The following LSAMP variants were observed in gnomAD, a reference collection of about 807,000 sequenced individuals.
LSAMP encodes the protein limbic system associated membrane protein, also known as limbic system-associated membrane protein.
LSAMP carries 7 observed loss-of-function variants against 38.6 expected under a neutral mutation model. The ratio of observed to expected loss-of-function variants is 0.18; its 90% confidence interval spans 0.10 to 0.34. The LOEUF (loss-of-function observed/expected upper bound fraction) is 0.34, where lower values mean the gene tolerates loss of function less well. Ranked by LOEUF, LSAMP falls within the 10% of genes least tolerant of loss-of-function variation. The probability of loss-of-function intolerance (pLI) is 1.00; values close to 1 mark genes in which losing one functional copy is unlikely to be tolerated. For missense variants in LSAMP, 313 were observed against 420.0 expected (o/e 0.75, Z 2.23); for synonymous variants, 154 against 166.8 (o/e 0.92, Z 0.59).
At chr3:116,226,285 A>G (rs1289921663) in intron 1 of LSAMP, among the ~76,000 whole-genome samples, 1 of 152,212 alleles carries the variant, frequency 6.6e-6, no homozygotes, top group Non-Finnish European at 1.5e-5. Flanking sequence ...TCAGCTTCTG[A>G]AAATAGCTGA....
chr3:116,281,279 T>G (rs2047123282), intron 1 of LSAMP, among the ~76,000 whole-genome samples: 2 of 152,172 alleles, frequency 1.3e-5, no homozygotes, highest in South Asian at 4.1e-4. Context: ...CCTTTGAAAC[T>G]TTTGCCTTCT....
At chr3:115,847,596 G>T (rs935989714) in intron 4 of LSAMP, among the ~76,000 whole-genome samples, 16 of 152,138 alleles carry the variant, frequency 1.1e-4, no homozygotes, top group Admixed American at 2.0e-4. Flanking sequence ...ATTGAATCAT[G>T]GGGGCAGTTC....
intron 2 of LSAMP, among the ~76,000 whole-genome samples, chr3:116,068,131 A>C (rs1347251442): frequency 6.6e-6 from 1 of 152,226 alleles, no homozygotes; most frequent in African/African-American, 2.4e-5. Flanking sequence ...CCATGGAAGC[A>C]TTCTGAGAGA....
intron 1 of LSAMP, among the ~76,000 whole-genome samples, chr3:116,407,466 C>T (rs2048911793): frequency 2.0e-5 from 3 of 151,938 alleles, no homozygotes; most frequent in Non-Finnish European, 4.4e-5. Context: ...TATGCCATTC[C>T]CCCCTATACC....
intron 1 of LSAMP, among the ~76,000 whole-genome samples, chr3:116,433,188 T>C (rs928032304): frequency 6.6e-5 from 10 of 152,196 alleles, no homozygotes; most frequent in African/African-American, 2.4e-4. Flanking sequence ...CACATGTAGA[T>C]ACTTACTATG....
intron 1 of LSAMP, among the ~76,000 whole-genome samples, chr3:116,390,339 A>G (rs1228587673): frequency 6.6e-6 from 1 of 152,144 alleles, no homozygotes; most frequent in African/African-American, 2.4e-5. Flanking sequence ...ATGAAAGCCA[A>G]TTCTTCCCAG....
chr3:115,906,710 G>A (rs2107496010), intron 3 of LSAMP, among the ~76,000 whole-genome samples: 1 of 152,202 alleles, frequency 6.6e-6, no homozygotes. Context: ...AAAGCGTTTG[G>A]CACAGTTTTT....
chr3:116,280,494 C>G (rs1006937380), intron 1 of LSAMP, among the ~76,000 whole-genome samples: 3 of 152,212 alleles, frequency 2.0e-5, no homozygotes, highest in African/African-American at 7.2e-5. Context: ...AGCTTGGCTG[C>G]GGGTCAGGAT....
intron 2 of LSAMP, among the ~76,000 whole-genome samples, chr3:116,055,405 A>G (rs1941473305): frequency 1.3e-5 from 2 of 152,182 alleles, no homozygotes; most frequent in Non-Finnish European, 1.5e-5. Context: ...CTGTGTGCAT[A>G]TTTAACCTTA....
At chr3:116,403,121 A>G (rs1365867859) in intron 1 of LSAMP, among the ~76,000 whole-genome samples, 1 of 152,208 alleles carries the variant, frequency 6.6e-6, no homozygotes, top group Admixed American at 6.5e-5. Flanking sequence ...TAGTCATAAA[A>G]TAATTGATTG....
At chr3:116,143,036 T>G (rs1709408208) in intron 1 of LSAMP, among the ~76,000 whole-genome samples, 1 of 149,076 alleles carries the variant, frequency 6.7e-6, no homozygotes, top group Non-Finnish European at 1.5e-5. Flanking sequence ...TTATCTATAA[T>G]ATATAACTAC....
intron 1 of LSAMP, among the ~76,000 whole-genome samples, chr3:116,283,482 A>G (rs915890428): frequency 2.0e-5 from 3 of 152,160 alleles, no homozygotes; most frequent in African/African-American, 7.2e-5. Flanking sequence ...ACTTTTCAAT[A>G]AAGTCTAAGT....
intron 1 of LSAMP, among the ~76,000 whole-genome samples, chr3:116,166,447 C>T (rs951289222): frequency 3.3e-5 from 5 of 152,190 alleles, no homozygotes; most frequent in Admixed American, 6.5e-5. Flanking sequence ...AGTCTGGCTC[C>T]ACAGTCTATG....
At chr3:115,959,034 AACCAT>A in intron 3 of LSAMP, among the ~76,000 whole-genome samples, 2 of 152,282 alleles carry the variant, frequency 1.3e-5, no homozygotes, top group Middle Eastern at 6.8e-3. Flanking sequence ...TTCCTCAGCA[AACCAT>A]ACCCTATAGT....
At chr3:116,305,353 G>A (rs926592476) in intron 1 of LSAMP, among the ~76,000 whole-genome samples, 4 of 152,108 alleles carry the variant, frequency 2.6e-5, no homozygotes, top group Non-Finnish European at 4.4e-5. Flanking sequence ...AATACTGTAT[G>A]GTTTATTCTA....
intron 1 of LSAMP, among the ~76,000 whole-genome samples, chr3:116,428,685 T>C (rs2049237376): frequency 6.6e-6 from 1 of 152,208 alleles, no homozygotes. Context: ...GCTTGGGAAC[T>C]GACTGCCTAA....
At chr3:116,047,107 A>G (rs1302752664) in intron 2 of LSAMP, among the ~76,000 whole-genome samples, 1 of 152,214 alleles carries the variant, frequency 6.6e-6, no homozygotes, top group Non-Finnish European at 1.5e-5. Flanking sequence ...TGGTTATACA[A>G]GTCAGAAAAA....
At chr3:115,839,266 C>CTTCCTTCCTTCA (rs1559844688) in intron 6 of LSAMP, among the ~76,000 whole-genome samples, 9 of 43,342 alleles carry the variant, frequency 2.1e-4, no homozygotes, top group African/African-American at 7.1e-4. Flanking sequence ...TCTTTCTTTC[C>CTTCCTTCCTTCA]TTCCTTCCTT....
chr3:116,284,521 T>C (rs1458192106), intron 1 of LSAMP, among the ~76,000 whole-genome samples: 1 of 152,222 alleles, frequency 6.6e-6, no homozygotes, highest in African/African-American at 2.4e-5. Flanking sequence ...CCAAGGCTAC[T>C]ATATCATAGA....
Sources: gnomAD v4.1 joint callset for allele counts (sites outside exome capture counted in the v4.1 genomes callset) on GRCh38, gnomAD v4.1.1 for gene constraint, MANE v1.5 for transcripts, NCBI Gene and HGNC (gene_info 2026-07-23, HGNC 2026-07-21) for gene names.